The following MARCHF8 variants were observed in gnomAD, a reference collection of about 807,000 sequenced individuals.
MARCHF8 encodes E3 ubiquitin-protein ligase MARCHF8.
In MARCHF8, 40 loss-of-function variants were observed where a neutral mutation model predicts 51.6. The ratio of observed to expected loss-of-function variants is 0.77; its 90% CI spans 0.60 to 1.01. The LOEUF (loss-of-function observed/expected upper bound fraction) is 1.01. Ranked by LOEUF, MARCHF8 falls within the 50% of genes least tolerant of loss-of-function variation. The pLI, the probability that MARCHF8 is intolerant of heterozygous loss-of-function variation, is 0.00. For missense variants in MARCHF8, 685 were observed against 708.6 expected, an observed-to-expected ratio of 0.97 and a Z score of 0.38; for synonymous variants, 263 against 280.3, an observed-to-expected ratio of 0.94 and a Z score of 0.62.
chr10:45,456,406 C>CT lies in MARCHF8; in HGVS notation c.*1832dup, dbSNP rs139841775. 3,437 of 152,442 alleles carry CT rather than the reference C, an allele frequency of 0.023. 49 individuals carry two copies. The highest frequency in any genetic ancestry group is 0.035 in the Non-Finnish European group (2,411 of 68,118). 9.4% of individuals were successfully genotyped at this position (152,442 alleles called of 1,614,324 possible). A position where few individuals can be genotyped will look rare whatever the true frequency, so the allele number is the denominator to read the frequency against. The stretch of plus-strand genomic sequence containing the variant: ...GGCCACAGCAGAGCCACTCCACAGA[C>CT]TAAGACCTGTGTTGCCAAGGAATCA... On this transcript the variant is annotated 3_prime_UTR_variant, in exon 8 of 8. Transcript: ENST00000453424.
chr10:45,489,952 C>T lies in MARCHF8; in HGVS notation c.103-535G>A, dbSNP rs570822108. 8.5e-5 allele frequency among the ~76,000 whole-genome samples: 13 copies of T among 152,342 alleles called. No individual in the cohort carries two copies. In the South Asian group the frequency reaches 2.3e-3, roughly 27 times the overall value. On this transcript the variant is annotated intron_variant, in intron 2 of 7. Transcript: ENST00000453424. The stretch of plus-strand genomic sequence containing the variant: ...CATCTCCTTCAACTCAGTTTCTCCT[C>T]CTGGAGCAGGGAAATCTGGGAGCCA...
chr10:45,538,597 G>C (rs1275615585), upstream of MARCHF8, among the ~76,000 whole-genome samples: 3 of 152,106 alleles, frequency 2.0e-5, no homozygotes, highest in African/African-American at 7.2e-5. Context: ...ACACACATAG[G>C]CTCAAAATAA....
At chr10:45,516,874 T>C (rs766591770) in intron 2 of MARCHF8, among the ~76,000 whole-genome samples, 2 of 152,202 alleles carry the variant, frequency 1.3e-5, no homozygotes, top group Non-Finnish European at 2.9e-5. Flanking sequence ...TCCTATAAAA[T>C]GGCAACCCCA....
chr10:45,525,917 AG>A (rs1162239089), intron 2 of MARCHF8, among the ~76,000 whole-genome samples: 1 of 152,234 alleles, frequency 6.6e-6, no homozygotes, highest in Admixed American at 6.5e-5. Flanking sequence ...GAGGAGCCTA[AG>A]GAGATACAAC....
upstream of MARCHF8, among the ~76,000 whole-genome samples, chr10:45,535,622 T>C (rs564393374): frequency 6.6e-6 from 1 of 152,360 alleles, no homozygotes; most frequent in South Asian, 2.1e-4. Flanking sequence ...CCACACATAT[T>C]TAGGATAAAA....
rs1288370887 is a variant in MARCHF8 at position 45,555,659 on chromosome 10, G to A, written c.-78-22370C>T. ...CTTGGGAGGCTGAGGCAGGAGGATC[G>A]CTTGAGCCCAGGAGGTTGAGGCTGC... On this transcript the variant is annotated intron_variant, in intron 1 of 6. Transcript: ENST00000319836. 2.0e-5 allele frequency among the ~76,000 whole-genome samples: 3 copies of A among 150,456 alleles called. No individual in the cohort carries two copies. The East Asian group carries it at 5.8e-4, about 29-fold the overall frequency.
At chr10:45,537,652 C>CAAAAA (rs559861085), upstream of MARCHF8, among the ~76,000 whole-genome samples, 1 of 78,158 alleles carries the variant, frequency 1.3e-5, no homozygotes, top group South Asian at 4.0e-4. Flanking sequence ...GACCTTGTCT[C>CAAAAA]AAAAAAAAAA....
intron 3 of MARCHF8, among the ~76,000 whole-genome samples, chr10:45,465,018 C>G (rs933893318): frequency 6.6e-6 from 1 of 152,104 alleles, no homozygotes; most frequent in African/African-American, 2.4e-5. Context: ...TGGGATAGAA[C>G]AGAGTCTCTG....
At chr10:45,533,747 C>G (rs1488645925) in intron 1 of MARCHF8, among the ~76,000 whole-genome samples, 1 of 152,098 alleles carries the variant, frequency 6.6e-6, no homozygotes, top group Non-Finnish European at 1.5e-5. Context: ...ATGATCCATA[C>G]TTAACCTTCC....
At chr10:45,516,279 G>A (rs2043616496) in intron 2 of MARCHF8, among the ~76,000 whole-genome samples, 1 of 152,172 alleles carries the variant, frequency 6.6e-6, no homozygotes, top group African/African-American at 2.4e-5. Context: ...CTAGACACAA[G>A]AGATCACTAA....
At chr10:45,583,423 T>C (rs553788822) in intron 1 of MARCHF8, among the ~76,000 whole-genome samples, 10 of 152,264 alleles carry the variant, frequency 6.6e-5, no homozygotes, top group African/African-American at 2.2e-4. Context: ...GAATGATCAC[T>C]GTGACACCAT....
In MARCHF8 at chr10:45,572,538, G is replaced by A. The variant is rs981012404; in HGVS notation, c.-79+21697C>T. Among the ~76,000 whole-genome samples the A allele has an allele frequency of 3.9e-5, 6 of 152,184 alleles. No homozygotes were observed. The South Asian group carries it at 1.0e-3, about 26-fold the overall frequency. On this transcript the variant is annotated intron_variant, in intron 1 of 6. Transcript: ENST00000319836. ...TAAATGGCCAGAAAACGGCATTTTC[G>A]ATTTCTCCATCCTATAAGACCTAAA...
At chr10:45,586,344 G>A (rs2044618392) in intron 1 of MARCHF8, among the ~76,000 whole-genome samples, 1 of 152,092 alleles carries the variant, frequency 6.6e-6, no homozygotes, top group Non-Finnish European at 1.5e-5. Context: ...CTTTTGCTCA[G>A]CATAATGTTT....
chr10:45,539,482 A>G (rs2044020634), upstream of MARCHF8, among the ~76,000 whole-genome samples: 3 of 152,248 alleles, frequency 2.0e-5, no homozygotes, highest in South Asian at 6.2e-4. Flanking sequence ...GCAGAAGTGA[A>G]GGAAATAGAG....
Position 45,530,560 on chromosome 10 carries a change from T to C in MARCHF8, c.102+2550A>G, listed in dbSNP as rs537499276. On this transcript the variant is annotated intron_variant, in intron 2 of 7. Transcript: ENST00000453424. The stretch of plus-strand genomic sequence containing the variant: ...AATTTGGGAGGCCAAGATGGGAGGA[T>C]TGCTTAAGCCCAGGAGTTTGAGACC... 4.6e-5 allele frequency among the ~76,000 whole-genome samples: 7 copies of C among 152,232 alleles called. No individual in the cohort carries two copies. In the South Asian group the frequency reaches 1.0e-3, roughly 23 times the overall value.
intron 1 of MARCHF8, among the ~76,000 whole-genome samples, chr10:45,546,138 TTTTATTTATTTA>T (rs370400917): frequency 8.5e-4 from 125 of 147,790 alleles, no homozygotes; most frequent in Non-Finnish European, 1.1e-3. Context: ...TGAGCTGAAT[TTTTATTTATTTA>T]TTTATTTATT....
At chr10:45,512,086 G>A (rs866701837) in intron 2 of MARCHF8, among the ~76,000 whole-genome samples, 76 of 150,234 alleles carry the variant, frequency 5.1e-4, no homozygotes, top group African/African-American at 1.8e-3. Context: ...TGTGGGGAGC[G>A]CCTCTGCCCC....
At chr10:45,558,771 G>A (rs190168069) in intron 1 of MARCHF8, among the ~76,000 whole-genome samples, 8 of 152,182 alleles carry the variant, frequency 5.3e-5, no homozygotes, top group South Asian at 2.1e-4. Context: ...GAGAGCATGC[G>A]GGGAGAAAAT....
At chr10:45,491,370 T>C (rs959163539) in intron 2 of MARCHF8, among the ~76,000 whole-genome samples, 2 of 152,126 alleles carry the variant, frequency 1.3e-5, no homozygotes, top group Non-Finnish European at 2.9e-5. Flanking sequence ...AAACACCGTC[T>C]CTACTAAAAA....
Sources: allele counts gnomAD v4.1 joint callset (sites outside exome capture counted in the v4.1 genomes callset), GRCh38; gene constraint gnomAD v4.1.1; transcripts MANE v1.5; gene names NCBI Gene and HGNC (gene_info 2026-07-23, HGNC 2026-07-21).